RUNDC3B: variants seen among roughly 807,000 people sequenced by gnomAD.
RUNDC3B encodes RUN domain-containing protein 3B.
RUNDC3B carries 33 observed loss-of-function variants against 58.4 expected under a neutral mutation model. The observed-to-expected ratio is 0.56, with a 90% confidence interval of 0.43 to 0.75. The LOEUF (loss-of-function observed/expected upper bound fraction) is 0.75. Among genes scored for constraint, RUNDC3B ranks in the 30% least tolerant of loss-of-function variants. RUNDC3B has a pLI of 0.00. For missense variants in RUNDC3B, 501 were observed against 535.7 expected, an observed-to-expected ratio of 0.94 and a Z score of 0.64; for synonymous variants, 193 against 195.2, an observed-to-expected ratio of 0.99 and a Z score of 0.10.
chr7:87,648,343 G>A (rs1424762789), intron 1 of RUNDC3B, among the ~76,000 whole-genome samples: 2 of 152,094 alleles, frequency 1.3e-5, no homozygotes, highest in African/African-American at 4.8e-5. Flanking sequence ...AAGGAACTTA[G>A]TGGAGGCAAA....
At chr7:87,797,986 C>T (rs1479904141) in intron 8 of RUNDC3B, among the ~76,000 whole-genome samples, 1 of 152,192 alleles carries the variant, frequency 6.6e-6, no homozygotes, top group Non-Finnish European at 1.5e-5. Context: ...TCAAATACTA[C>T]AAGCCACCAA....
intron 10 of RUNDC3B, among the ~76,000 whole-genome samples, chr7:87,824,420 T>C (rs1837681530): frequency 6.6e-6 from 1 of 152,202 alleles, no homozygotes; most frequent in Admixed American, 6.5e-5. Context: ...TCCACCATGA[T>C]TGTGAGGCAT....
chr7:87,727,032 A>C (rs1487359309), intron 4 of RUNDC3B, among the ~76,000 whole-genome samples: 4 of 152,198 alleles, frequency 2.6e-5, no homozygotes, highest in African/African-American at 4.8e-5. Flanking sequence ...GTCATCTGCA[A>C]ACAGGGACAA....
intron 1 of RUNDC3B, among the ~76,000 whole-genome samples, chr7:87,644,632 A>T (rs887798721): frequency 6.6e-6 from 1 of 152,190 alleles, no homozygotes; most frequent in Non-Finnish European, 1.5e-5. Context: ...CATGGTATAG[A>T]TAAGAAGATC....
chr7:87,770,788 A>G (rs1202745497), intron 7 of RUNDC3B, 39 bp downstream of exon 7: 2 of 1,445,964 alleles, frequency 1.4e-6, no homozygotes, highest in Non-Finnish European at 1.9e-6. Context: ...ATTTTATTCT[A>G]GTTATTGCCT....
intron 2 of RUNDC3B, among the ~76,000 whole-genome samples, chr7:87,687,665 A>AT (rs1827602519): frequency 2.0e-5 from 3 of 151,910 alleles, no homozygotes; most frequent in Non-Finnish European, 4.4e-5. Flanking sequence ...TAATTTCTTT[A>AT]TTTTTTTCTG....
chr7:87,668,792 G>T (rs1301870041), intron 2 of RUNDC3B, among the ~76,000 whole-genome samples: 1 of 152,122 alleles, frequency 6.6e-6, no homozygotes, highest in Non-Finnish European at 1.5e-5. Context: ...GGTTCTGAGT[G>T]ATTTTCATAG....
At chr7:87,642,199 A>T (rs1240511164) in intron 1 of RUNDC3B, among the ~76,000 whole-genome samples, 1 of 152,090 alleles carries the variant, frequency 6.6e-6, no homozygotes, top group Non-Finnish European at 1.5e-5. Flanking sequence ...ATATATTTTT[A>T]AAACTGTGCT....
intron 4 of RUNDC3B, among the ~76,000 whole-genome samples, chr7:87,736,880 T>TA (rs1832001061): frequency 2.5e-5 from 1 of 39,218 alleles, no homozygotes; most frequent in Non-Finnish European, 4.6e-5. Context: ...TATATATATA[T>TA]ATATATATAT....
Position 87,816,228 on chromosome 7 carries a change from T to C in RUNDC3B, c.1191T>C (p.Asp397=), listed in dbSNP as rs1343469280. 2.5e-6 allele frequency: 4 copies of C among 1,611,792 alleles called. No homozygotes were observed. Among genetic ancestry groups the C allele is most frequent in the Non-Finnish European group, 3.4e-6 (4 of 1,178,360 alleles). ...ATCCAGGCCAGTCACAAGAAGGAGA[T>C]GGAAAACAAGACACATTAAATGTAA... ...SLDPGQSQEG[D]GKQDTLNVMS... Residue 397 remains aspartate, a synonymous_variant, in exon 10 of 11, where the codon GAT becomes GAC. Transcript: ENST00000394654.
intron 4 of RUNDC3B, among the ~76,000 whole-genome samples, chr7:87,711,239 T>C (rs575419517): frequency 6.6e-6 from 1 of 152,048 alleles, no homozygotes; most frequent in African/African-American, 2.4e-5. Context: ...GGTAGGAGAA[T>C]AGTTTGAACC....
intron 4 of RUNDC3B, among the ~76,000 whole-genome samples, chr7:87,732,170 A>C (rs1831617828): frequency 6.6e-6 from 1 of 152,214 alleles, no homozygotes; most frequent in African/African-American, 2.4e-5. Flanking sequence ...CTAGTGGGTC[A>C]GTGCAAAATT....
chr7:87,732,781 G>A (rs1432882948), intron 4 of RUNDC3B, among the ~76,000 whole-genome samples: 13 of 152,172 alleles, frequency 8.5e-5, no homozygotes, highest in African/African-American at 2.9e-4. Flanking sequence ...GTCACATGGG[G>A]ATGAAGTAAT....
intron 8 of RUNDC3B, among the ~76,000 whole-genome samples, chr7:87,793,026 T>C (rs1337124761): frequency 6.6e-6 from 1 of 152,008 alleles, no homozygotes; most frequent in Non-Finnish European, 1.5e-5. Flanking sequence ...TTACAACTGA[T>C]TCTGCAGAAA....
intron 10 of RUNDC3B, among the ~76,000 whole-genome samples, chr7:87,821,192 T>C (rs1157452477): frequency 1.3e-5 from 2 of 151,848 alleles, no homozygotes; most frequent in Non-Finnish European, 2.9e-5. Context: ...TTCAGCAAAG[T>C]CTCAGGATAC....
chr7:87,813,205 G>C (rs1563226255), intron 9 of RUNDC3B, among the ~76,000 whole-genome samples: 1 of 152,144 alleles, frequency 6.6e-6, no homozygotes, highest in African/African-American at 2.4e-5. Flanking sequence ...CTCAGTAATT[G>C]TTCACTAACT....
intron 2 of RUNDC3B, among the ~76,000 whole-genome samples, chr7:87,674,174 T>C (rs552854638): frequency 2.0e-5 from 3 of 152,320 alleles, no homozygotes; most frequent in Admixed American, 1.3e-4. Context: ...GCAGTGGGAT[T>C]CATGCTCCTT....
At chr7:87,787,611 A>G (rs1370817290) in intron 8 of RUNDC3B, among the ~76,000 whole-genome samples, 2 of 152,178 alleles carry the variant, frequency 1.3e-5, no homozygotes, top group Admixed American at 6.5e-5. Context: ...GGAGTATTAC[A>G]GGAGCATTCT....
chr7:87,714,775 G>A lies in RUNDC3B; in HGVS notation c.458+4120G>A, dbSNP rs28746482. 1.9e-3 allele frequency among the ~76,000 whole-genome samples: 286 copies of A among 151,348 alleles called. 1 individual carries two copies. The highest frequency in any genetic ancestry group is 3.5e-3 in the Middle Eastern group (1 of 286). ...TATCCATATGGACAGGCACCCCCCC[G>A]CCCCATGCATCCGTTTATAGGCTCT... is the stretch of plus-strand genomic sequence containing the variant. On this transcript the variant is annotated intron_variant, in intron 4 of 10. Coordinates refer to ENST00000394654, the MANE Select transcript of RUNDC3B (RefSeq NM_001134405.2).
Sources: allele counts gnomAD v4.1 joint callset (sites outside exome capture counted in the v4.1 genomes callset), GRCh38; gene constraint gnomAD v4.1.1; transcripts MANE v1.5; gene names NCBI Gene and HGNC (gene_info 2026-07-23, HGNC 2026-07-21).